The following CYBB variants were observed in gnomAD, a reference collection of about 807,000 sequenced individuals.
The protein encoded by CYBB is NADPH oxidase 2.
A neutral mutation model predicts 46.5 loss-of-function variants in CYBB; 5 were observed. That is an observed-to-expected ratio of 0.11 (90% CI 0.06 to 0.23). The LOEUF (loss-of-function observed/expected upper bound fraction) is 0.23, where lower values mean the gene tolerates loss of function less well. CYBB is among the 10% of genes least tolerant of loss of function. The probability of loss-of-function intolerance (pLI) is 1.00; values close to 1 mark genes in which losing one functional copy is unlikely to be tolerated. For synonymous variants in CYBB, 183 were observed against 156.7 expected, an observed-to-expected ratio of 1.17 and a Z score of -1.26; for missense variants, 307 against 428.3, an observed-to-expected ratio of 0.72 and a Z score of 2.50.
At chrX:37,797,530 A>G (rs1160046235) in intron 6 of CYBB, among the ~76,000 whole-genome samples, 2 of 111,717 alleles carry the variant, frequency 1.8e-5, no homozygotes, top group Non-Finnish European at 3.8e-5. Context: ...TGGGTTTAAA[A>G]TGCAGGTTTC....
intron 3 of CYBB, among the ~76,000 whole-genome samples, chrX:37,788,539 A>G (rs960827250): frequency 1.5e-4 from 17 of 111,854 alleles, no homozygotes; most frequent in Middle Eastern, 4.6e-3. Flanking sequence ...AAATAATGAT[A>G]CTAAATAACA....
intron 8 of CYBB, among the ~76,000 whole-genome samples, chrX:37,802,964 C>T (rs1929477353): frequency 8.9e-6 from 1 of 111,857 alleles, no homozygotes; most frequent in African/African-American, 3.2e-5. Flanking sequence ...AAAAATTATC[C>T]AGTCAATAGT....
At chrX:37,790,098 A>G (rs1929164424) in intron 3 of CYBB, among the ~76,000 whole-genome samples, 1 of 111,945 alleles carries the variant, frequency 8.9e-6, no homozygotes, top group Admixed American at 9.5e-5. Flanking sequence ...TTAGGTAAAA[A>G]CCAAAGAACG....
rs183477150 is a variant in CYBB at position 37,809,388 on chromosome X, C to T, written c.1462-179C>T. 4.9e-4 allele frequency among the ~76,000 whole-genome samples: 55 copies of T among 112,187 alleles called. No homozygotes were observed. The East Asian group carries it at 0.011, about 23-fold the overall frequency. On this transcript the variant is annotated intron_variant, in intron 11 of 12. Transcript: ENST00000378588. ...TATGGGATTATTTATATTTATACTTCGAAGTCTCCCTTTCTAGACTGTAAA... is the reference window on the plus strand; with the variant it reads ...TATGGGATTATTTATATTTATACTTTGAAGTCTCCCTTTCTAGACTGTAAA...
intron 11 of CYBB, among the ~76,000 whole-genome samples, chrX:37,807,876 T>C (rs1198555027): frequency 9.0e-6 from 1 of 111,259 alleles, no homozygotes; most frequent in Non-Finnish European, 1.9e-5. Flanking sequence ...GCAATGTAAA[T>C]ATCCTACAAT....
chrX:37,803,672 A>G (rs1422236473), intron 8 of CYBB, among the ~76,000 whole-genome samples: 1 of 111,268 alleles, frequency 9.0e-6, no homozygotes, highest in East Asian at 2.9e-4. Context: ...AGGCCTTAGT[A>G]TCCCTTAATC....
At chrX:37,793,559 C>A in intron 4 of CYBB, 106 bp from the exon 5 acceptor site, 1 of 905,065 alleles carries the variant, frequency 1.1e-6, no homozygotes, top group Non-Finnish European at 1.6e-6. Flanking sequence ...CTCCCTTTGT[C>A]TCCCTGTGGC....
rs778875023 is a variant in CYBB, at chrX:37,810,949, T to C, written c.*32T>C. The stretch of plus-strand genomic sequence containing the variant: ...TCTTCCATGAGGAAATAAATGTGGG[T>C]TGTGCTGCCAAATGCTCAAATAATG... On this transcript the variant is annotated 3_prime_UTR_variant, in exon 13 of 13. Transcript: ENST00000378588. The C allele has an allele frequency of 7.6e-6, 9 of 1,184,089 alleles. No individual in the cohort carries two copies. The highest frequency in any genetic ancestry group is 3.5e-5 in the African/African-American group (2 of 57,167).
chrX:37,791,179 C>A (rs1192192199), intron 3 of CYBB, among the ~76,000 whole-genome samples: 2 of 111,041 alleles, frequency 1.8e-5, no homozygotes, highest in African/African-American at 3.3e-5. Flanking sequence ...AACTTATTAG[C>A]TGTGTGACCT....
intron 6 of CYBB, 138 bp from the exon 7 acceptor site, chrX:37,798,816 CA>C: frequency 6.7e-6 from 4 of 596,156 alleles, no homozygotes; most frequent in South Asian, 5.1e-5. Flanking sequence ...TTCATCTATT[CA>C]GAGGGAGCAA....
intron 7 of CYBB, among the ~76,000 whole-genome samples, chrX:37,799,491 C>T (rs1030475223): frequency 4.5e-5 from 5 of 111,402 alleles, no homozygotes; most frequent in African/African-American, 1.6e-4. Context: ...GCACATAATA[C>T]TTTCTATACA....
intron 5 of CYBB, among the ~76,000 whole-genome samples, chrX:37,795,625 T>C (rs1230322635): frequency 1.8e-5 from 2 of 111,937 alleles, no homozygotes; most frequent in African/African-American, 6.5e-5. Flanking sequence ...CTTCAGACAC[T>C]TTTAGGACAT....
intron 3 of CYBB, among the ~76,000 whole-genome samples, chrX:37,788,716 T>G (rs183932871): frequency 9.0e-6 from 1 of 111,398 alleles, no homozygotes; most frequent in African/African-American, 3.3e-5. Flanking sequence ...AAGACAAAAC[T>G]TGCTCTGAAA....
rs782193225 is a variant in CYBB, at chrX:37,804,011, C to G, written c.1032C>G (p.Ser344=). 67 of 1,209,297 alleles carry G rather than the reference C, an allele frequency of 5.5e-5. No homozygotes were observed. In the Admixed American group the frequency reaches 1.1e-3, roughly 21 times the overall value. ...AGTGGCACCCTTTTACACTGACATCCGCCCCTGAGGAAGACTTCTTTAGTA... is the reference window on the plus strand; with the variant it reads ...AGTGGCACCCTTTTACACTGACATCGGCCCCTGAGGAAGACTTCTTTAGTA... ...KLEWHPFTLT[S]APEEDFFSIH... Residue 344 remains serine, a synonymous_variant, in exon 9 of 13, where the codon TCC becomes TCG. Transcript: ENST00000378588.
At chrX:37,780,778 A>G (rs963447277) in intron 1 of CYBB, among the ~76,000 whole-genome samples, 2 of 110,874 alleles carry the variant, frequency 1.8e-5, no homozygotes, top group Non-Finnish European at 3.8e-5. Context: ...AAGTAAAGAT[A>G]TAGCTAATTT....
intron 8 of CYBB, among the ~76,000 whole-genome samples, chrX:37,803,599 C>G (rs782651875): frequency 9.0e-6 from 1 of 111,468 alleles, no homozygotes; most frequent in Admixed American, 9.5e-5. Context: ...TCAGCTGATA[C>G]TACAGGGAGT....
chrX:37,787,545 C>T (rs887966833), intron 3 of CYBB, among the ~76,000 whole-genome samples: 3 of 111,757 alleles, frequency 2.7e-5, no homozygotes, highest in Admixed American at 9.5e-5. Context: ...GCAAGGCTTC[C>T]GGTGACAGTA....
At chrX:37,787,704 G>C (rs782757800) in intron 3 of CYBB, among the ~76,000 whole-genome samples, 29 of 112,092 alleles carry the variant, frequency 2.6e-4, no homozygotes, top group Admixed American at 1.8e-3. Context: ...TCTGCCTGAT[G>C]ATGGGGAACA....
chrX:37,806,670 C>T (rs1556471794), intron 11 of CYBB, 137 bp downstream of exon 11: 5 of 587,229 alleles, frequency 8.5e-6, no homozygotes, highest in Non-Finnish European at 1.4e-5. Context: ...TCCATTCACT[C>T]TCATTTAGTA....
Sources: gnomAD v4.1 joint callset for allele counts (sites outside exome capture counted in the v4.1 genomes callset) on GRCh38, gnomAD v4.1.1 for gene constraint, MANE v1.5 for transcripts, NCBI Gene and HGNC (gene_info 2026-07-23, HGNC 2026-07-21) for gene names.